The following TP63 variants were observed in gnomAD, a reference collection of about 807,000 sequenced individuals.
TP63 encodes the protein tumor protein p63.
A neutral mutation model predicts 82.8 loss-of-function variants in TP63; 17 were observed. That is an observed-to-expected ratio of 0.21 (90% CI 0.14 to 0.31). The LOEUF (loss-of-function observed/expected upper bound fraction) is 0.31. TP63 is among the 10% of genes least tolerant of loss of function. The probability of loss-of-function intolerance (pLI) is 1.00; values close to 1 mark genes in which losing one functional copy is unlikely to be tolerated. For synonymous variants in TP63, 330 were observed against 321.7 expected, an observed-to-expected ratio of 1.03 and a Z score of -0.28; for missense variants, 648 against 895.3, an observed-to-expected ratio of 0.72 and a Z score of 3.52.
chr3:189,875,611 T>TATATATATATATATACAC (rs1553859676), intron 10 of TP63, among the ~76,000 whole-genome samples: 7 of 77,040 alleles, frequency 9.1e-5, no homozygotes, highest in Non-Finnish European at 1.7e-4. Context: ...TATATATATA[T>TATATATATATATATACAC]ATATATATAT....
chr3:189,834,951 G>T (rs1712916763), intron 4 of TP63, among the ~76,000 whole-genome samples: 1 of 147,972 alleles, frequency 6.8e-6, no homozygotes, highest in South Asian at 2.1e-4. Flanking sequence ...TGAAGACAGA[G>T]AACTGGGTCA....
intron 3 of TP63, among the ~76,000 whole-genome samples, chr3:189,753,071 A>T (rs1232456736): frequency 6.6e-6 from 1 of 152,090 alleles, no homozygotes; most frequent in African/African-American, 2.4e-5. Flanking sequence ...GATATTGTTT[A>T]TCTTGATGAC....
chr3:189,771,369 T>C (rs1723355850), intron 3 of TP63, among the ~76,000 whole-genome samples: 1 of 133,592 alleles, frequency 7.5e-6, no homozygotes, highest in Non-Finnish European at 1.6e-5. Context: ...ATATAATATA[T>C]TCAATATAGA....
At chr3:189,756,601 A>T (rs1396326672) in intron 3 of TP63, among the ~76,000 whole-genome samples, 1 of 152,184 alleles carries the variant, frequency 6.6e-6, no homozygotes, top group Non-Finnish European at 1.5e-5. Context: ...TCCCTTACAA[A>T]AGGGGCTGTT....
chr3:189,859,680 T>C (rs897517029), intron 4 of TP63, among the ~76,000 whole-genome samples: 31 of 152,198 alleles, frequency 2.0e-4, no homozygotes, highest in African/African-American at 7.2e-4. Flanking sequence ...AGCAATCATA[T>C]TCCTAGGTAT....
chr3:189,632,993 T>G (rs1040795866), intron 1 of TP63, among the ~76,000 whole-genome samples: 6 of 152,062 alleles, frequency 3.9e-5, no homozygotes, highest in Admixed American at 3.9e-4. Context: ...ACTAGGTACT[T>G]GGAACCAGGG....
chr3:189,844,964 T>C (rs1714675515), intron 4 of TP63, among the ~76,000 whole-genome samples: 1 of 152,228 alleles, frequency 6.6e-6, no homozygotes, highest in Non-Finnish European at 1.5e-5. Flanking sequence ...TTGTATGATT[T>C]TTCATTCCCA....
chr3:189,602,295 A>G, the TP63 span, among the ~76,000 whole-genome samples: 1 of 152,348 alleles, frequency 6.6e-6, no homozygotes, highest in South Asian at 2.1e-4. Flanking sequence ...ACCATGGCTT[A>G]GAAAGGGCTG....
chr3:189,780,342 A>G (rs779268342), intron 3 of TP63, among the ~76,000 whole-genome samples: 5 of 152,312 alleles, frequency 3.3e-5, no homozygotes, highest in Non-Finnish European at 7.3e-5. Context: ...CACCAATAAG[A>G]CTTTTCCAAA....
intron 1 of TP63, among the ~76,000 whole-genome samples, chr3:189,643,461 A>AAAAAAC (rs1712109743): frequency 6.6e-6 from 1 of 151,840 alleles, no homozygotes; most frequent in African/African-American, 2.4e-5. Context: ...TGATTAAAAA[A>AAAAAAC]AAAAAACCCT....
At chr3:189,677,898 G>A (rs1185703379) in intron 1 of TP63, among the ~76,000 whole-genome samples, 1 of 151,782 alleles carries the variant, frequency 6.6e-6, no homozygotes, top group East Asian at 1.9e-4. Flanking sequence ...TGTATCTTCT[G>A]AAACGTGTCT....
chr3:189,881,358 G>A, intron 10 of TP63: 1 of 985,224 alleles, frequency 1.0e-6, no homozygotes, highest in Non-Finnish European at 1.2e-6. Flanking sequence ...CTTTAAAAAT[G>A]TTCCTCCCCT....
At chr3:189,664,813 TCCATAGCC>T (rs1336254686) in intron 1 of TP63, among the ~76,000 whole-genome samples, 8 of 152,300 alleles carry the variant, frequency 5.3e-5, no homozygotes, top group African/African-American at 1.9e-4. Context: ...TTTAAGAGAA[TCCATAGCC>T]TTTTATGTGT....
chr3:189,640,317 G>A (rs1349466832), intron 1 of TP63, among the ~76,000 whole-genome samples: 3 of 151,876 alleles, frequency 2.0e-5, no homozygotes, highest in Non-Finnish European at 4.4e-5. Flanking sequence ...CAAAACTGAC[G>A]GGTTTTCTTT....
intron 3 of TP63, among the ~76,000 whole-genome samples, chr3:189,754,665 T>C (rs1722055311): frequency 6.6e-6 from 1 of 152,164 alleles, no homozygotes; most frequent in Non-Finnish European, 1.5e-5. Context: ...CTATGTGTCT[T>C]GGTCTCCTAG....
chr3:189,630,989 C>T (rs1043489106), upstream of TP63, among the ~76,000 whole-genome samples: 11 of 152,082 alleles, frequency 7.2e-5, no homozygotes, highest in African/African-American at 2.7e-4. Flanking sequence ...ATTTTAGCCC[C>T]AGAAATAGTC....
intron 4 of TP63, among the ~76,000 whole-genome samples, chr3:189,830,497 C>T (rs1174492098): frequency 1.3e-5 from 2 of 152,188 alleles, no homozygotes; most frequent in Non-Finnish European, 2.9e-5. Context: ...TGAAAGTCAT[C>T]ACTTTTCCTT....
chr3:189,790,772 G>A (rs1320005689), intron 3 of TP63, among the ~76,000 whole-genome samples: 2 of 152,100 alleles, frequency 1.3e-5, no homozygotes, highest in African/African-American at 4.8e-5. Context: ...ATGCTTGCAG[G>A]TGAGTGCTTG....
chr3:189,634,945 G>C (rs1400986121), intron 1 of TP63, among the ~76,000 whole-genome samples: 6 of 151,720 alleles, frequency 4.0e-5, no homozygotes, highest in African/African-American at 1.5e-4. Context: ...CATCTAGTTT[G>C]CAAAATTTAT....
Sources: allele counts gnomAD v4.1 joint callset (sites outside exome capture counted in the v4.1 genomes callset), GRCh38; gene constraint gnomAD v4.1.1; transcripts MANE v1.5; gene names NCBI Gene and HGNC (gene_info 2026-07-23, HGNC 2026-07-21).